Variants in TRIO observed in about 807,000 individuals in gnomAD.
TRIO encodes the protein trio Rho guanine nucleotide exchange factor.
A neutral mutation model predicts 351.9 loss-of-function variants in TRIO; 58 were observed. The ratio of observed to expected loss-of-function variants is 0.16; its 90% CI spans 0.13 to 0.21. The LOEUF is 0.21. TRIO is among the 10% of genes least tolerant of loss of function. The pLI is 1.00. For missense variants in TRIO, 3,201 were observed against 4,027.8 expected, an observed-to-expected ratio of 0.79 and a Z score of 5.56; for synonymous variants, 1,758 against 1,595.7, an observed-to-expected ratio of 1.10 and a Z score of -2.42.
intron 1 of TRIO, among the ~76,000 whole-genome samples, chr5:14,246,422 C>A (rs749124179): frequency 6.6e-6 from 1 of 152,202 alleles, no homozygotes; most frequent in Non-Finnish European, 1.5e-5. Context: ...ACTTGGAAAG[C>A]GCAGCCAGGA....
intron 9 of TRIO, among the ~76,000 whole-genome samples, 165 bp from the exon 10 acceptor site, chr5:14,330,613 G>A (rs980879584): frequency 1.3e-5 from 2 of 152,168 alleles, no homozygotes; most frequent in Admixed American, 1.3e-4. Flanking sequence ...TAATTATCGA[G>A]TGTGTTAAAT....
In TRIO at chr5:14,479,357, C is replaced by T. The variant is rs759052477; in HGVS notation, c.6243+7C>T. The T allele has an allele frequency of 1.3e-6, 2 of 1,596,302 alleles. No homozygotes were observed. Among genetic ancestry groups the T allele is most frequent in the African/African-American group, 2.7e-5 (2 of 74,366 alleles). ...CATTGATACCTTTTTTGAGGTAAGA[C>T]CTAAGATACAAACAGAAAGTATTTC... is the stretch of plus-strand genomic sequence containing the variant. On this transcript the variant is annotated splice_region_variant and intron_variant, in intron 42 of 56. Coordinates refer to ENST00000344204, the MANE Select transcript of TRIO (RefSeq NM_007118.4).
chr5:14,450,850 G>A (rs988813574), intron 34 of TRIO, among the ~76,000 whole-genome samples: 1 of 152,166 alleles, frequency 6.6e-6, no homozygotes, highest in African/African-American at 2.4e-5. Context: ...GGGACGCAGT[G>A]TCCATTCTAA....
At position 14,462,737 on chromosome 5, in the gene TRIO, A is replaced by G. The variant is rs1163743677; in HGVS notation, c.5497-18A>G. 6.2e-7 allele frequency: 1 copy of G among 1,613,724 alleles called. No homozygotes were observed. The highest frequency in any genetic ancestry group is 8.5e-7 in the Non-Finnish European group (1 of 1,179,834). On this transcript the variant is annotated intron_variant, in intron 35 of 56. Coordinates refer to ENST00000344204, the MANE Select transcript of TRIO (RefSeq NM_007118.4). ...AACTGGCCTGGAATATAATGAGCAA[A>G]TCTTGACTGGATTTCAGAGAGGCCG...
At chr5:14,492,887 C>T (rs1579821929) in intron 49 of TRIO, 73 bp downstream of exon 49, 1 of 1,575,934 alleles carries the variant, frequency 6.3e-7, no homozygotes, top group Non-Finnish European at 8.6e-7. Context: ...AGGCACACGA[C>T]CTCAGACGGG....
intron 26 of TRIO, among the ~76,000 whole-genome samples, 168 bp from the exon 27 acceptor site, chr5:14,390,733 C>T (rs1747006088): frequency 6.6e-6 from 1 of 152,198 alleles, no homozygotes; most frequent in South Asian, 2.1e-4. Flanking sequence ...CAGCTGCATG[C>T]TGTCAGAACG....
chr5:14,267,416 G>C (rs919425271), intron 1 of TRIO, among the ~76,000 whole-genome samples: 1 of 152,114 alleles, frequency 6.6e-6, no homozygotes, highest in Non-Finnish European at 1.5e-5. Context: ...GCTTCCAGGG[G>C]GCGGCCACCG....
chr5:14,426,236 A>G (rs995149483), intron 34 of TRIO, among the ~76,000 whole-genome samples: 3 of 147,848 alleles, frequency 2.0e-5, no homozygotes, highest in Admixed American at 6.8e-5. Context: ...GTACACACAC[A>G]TGTGCACACA....
At chr5:14,251,973 A>T (rs1794771725) in intron 1 of TRIO, among the ~76,000 whole-genome samples, 2 of 151,756 alleles carry the variant, frequency 1.3e-5, no homozygotes, top group African/African-American at 4.8e-5. Flanking sequence ...GCAACTTAAA[A>T]AAAAAAAAAA....
At chr5:14,472,757 A>T in intron 39 of TRIO, 99 bp downstream of exon 39, 1 of 1,306,186 alleles carries the variant, frequency 7.7e-7, no homozygotes, top group Non-Finnish European at 1.1e-6. Context: ...AAGCTTTAAA[A>T]ACATTTTTGA....
At chr5:14,380,540 T>G (rs1371997631) in intron 20 of TRIO, among the ~76,000 whole-genome samples, 1 of 152,210 alleles carries the variant, frequency 6.6e-6, no homozygotes, top group Non-Finnish European at 1.5e-5. Context: ...CTGAAAAGGC[T>G]CATAGTAGTG....
chr5:14,469,493 T>C (rs1281218134), intron 37 of TRIO, among the ~76,000 whole-genome samples: 17 of 152,256 alleles, frequency 1.1e-4, no homozygotes, highest in Admixed American at 1.1e-3. Context: ...CCTATCTTCA[T>C]GTAAGAAAGA....
chr5:14,257,572 G>A (rs1795097315), intron 1 of TRIO, among the ~76,000 whole-genome samples: 1 of 152,152 alleles, frequency 6.6e-6, no homozygotes, highest in Admixed American at 6.5e-5. Context: ...GTGGGGTGGG[G>A]AAGGGGGACA....
At chr5:14,348,259 A>G (rs71614085) in intron 11 of TRIO, among the ~76,000 whole-genome samples, 35,024 of 152,264 alleles carry the variant, frequency 0.23, 4,656 homozygotes, top group Middle Eastern at 0.36. Flanking sequence ...TCATCTGGTA[A>G]GAACATGCCC....
At chr5:14,453,353 G>A (rs1752987466) in intron 34 of TRIO, among the ~76,000 whole-genome samples, 1 of 152,154 alleles carries the variant, frequency 6.6e-6, no homozygotes, top group African/African-American at 2.4e-5. Context: ...CATCTAGATT[G>A]CTTCATTCAT....
chr5:14,187,341 G>GTTGTT (rs1205188809), intron 1 of TRIO, among the ~76,000 whole-genome samples: 1 of 152,172 alleles, frequency 6.6e-6, no homozygotes, highest in East Asian at 1.9e-4. Context: ...GATGGTTTTT[G>GTTGTT]TTGTTTTGTT....
At chr5:14,191,381 C>T (rs1790448230) in intron 1 of TRIO, among the ~76,000 whole-genome samples, 1 of 151,944 alleles carries the variant, frequency 6.6e-6, no homozygotes, top group African/African-American at 2.4e-5. Context: ...TGCTTGGGGT[C>T]AGGAGTTTAA....
intron 1 of TRIO, among the ~76,000 whole-genome samples, chr5:14,144,408 C>G (rs1031388269): frequency 3.9e-5 from 6 of 152,196 alleles, no homozygotes; most frequent in Admixed American, 1.3e-4. Context: ...TTTGCTTGGC[C>G]CTCTAGCCTG....
intron 1 of TRIO, among the ~76,000 whole-genome samples, chr5:14,180,130 A>G (rs1789675266): frequency 6.8e-6 from 1 of 146,400 alleles, no homozygotes; most frequent in Non-Finnish European, 1.5e-5. Flanking sequence ...AAAAAAAAAG[A>G]TTAACTGTAA....
Sources: gnomAD v4.1 joint callset for allele counts (sites outside exome capture counted in the v4.1 genomes callset) on GRCh38, gnomAD v4.1.1 for gene constraint, MANE v1.5 for transcripts, NCBI Gene and HGNC (gene_info 2026-07-23, HGNC 2026-07-21) for gene names.